The following CDC42SE2 variants were observed in gnomAD, a reference collection of about 807,000 sequenced individuals.
CDC42SE2 encodes CDC42 small effector 2, also known as CDC42 small effector protein 2.
A neutral mutation model predicts 11.5 loss-of-function variants in CDC42SE2; 3 were observed. That is an observed-to-expected ratio of 0.26 (90% confidence interval 0.12 to 0.67). The LOEUF (loss-of-function observed/expected upper bound fraction) is 0.67, where lower values mean the gene tolerates loss of function less well. Ranked by LOEUF, CDC42SE2 falls within the 30% of genes least tolerant of loss-of-function variation. The pLI, the probability that CDC42SE2 is intolerant of heterozygous loss-of-function variation, is 0.80. For missense variants in CDC42SE2, 82 were observed against 106.8 expected, an observed-to-expected ratio of 0.77 and a Z score of 1.02; for synonymous variants, 33 against 34.8, an observed-to-expected ratio of 0.95 and a Z score of 0.18.
In CDC42SE2 at chr5:131,386,333, G is replaced by T. The variant is rs115187309; in HGVS notation, c.156+689G>T. Among the ~76,000 whole-genome samples, 718 of 152,330 alleles carry T rather than the reference G, an allele frequency of 4.7e-3. 9 individuals carry two copies. The highest frequency in any genetic ancestry group is 0.016 in the African/African-American group (681 of 41,556). ...GCAGCTGCTCACCTCCTGTTGTGCA[G>T]CCCGGTTCCTAACAGGCCACTTCTG... On this transcript the variant is annotated intron_variant, in intron 4 of 4. Coordinates refer to ENST00000505065, the MANE Select transcript of CDC42SE2 (RefSeq NM_001375635.1).
At chr5:131,384,190 C>T (rs573285846) in intron 3 of CDC42SE2, among the ~76,000 whole-genome samples, 43 of 152,238 alleles carry the variant, frequency 2.8e-4, no homozygotes, top group African/African-American at 1.0e-3. Flanking sequence ...AAAGGAAAAG[C>T]GTCAGGGTTT....
intron 2 of CDC42SE2, among the ~76,000 whole-genome samples, chr5:131,349,618 C>G (rs1275963071): frequency 6.6e-6 from 1 of 152,124 alleles, no homozygotes; most frequent in Non-Finnish European, 1.5e-5. Flanking sequence ...CAAGGGTCAA[C>G]TGTATATGAG....
chr5:131,293,373 A>G (rs1213070317), intron 1 of CDC42SE2, among the ~76,000 whole-genome samples: 3 of 152,124 alleles, frequency 2.0e-5, no homozygotes, highest in Non-Finnish European at 4.4e-5. Flanking sequence ...GGAGTTCAGG[A>G]CTAGCCTGCC....
chr5:131,385,667 C>G (rs776377198), intron 4 of CDC42SE2, 23 bp downstream of exon 4: 1 of 1,464,196 alleles, frequency 6.8e-7, no homozygotes. Flanking sequence ...GTGGGACATG[C>G]AGGTAGGGCA....
At chr5:131,330,608 T>A (rs1758401160) in intron 2 of CDC42SE2, among the ~76,000 whole-genome samples, 1 of 152,134 alleles carries the variant, frequency 6.6e-6, no homozygotes, top group African/African-American at 2.4e-5. Flanking sequence ...TCTGGAGACA[T>A]TTTTGGTTGT....
chr5:131,289,024 A>AT (rs1020125437), intron 1 of CDC42SE2, among the ~76,000 whole-genome samples: 14 of 152,012 alleles, frequency 9.2e-5, no homozygotes, highest in African/African-American at 1.7e-4. Flanking sequence ...TATTCTATAC[A>AT]TTTTTTTTGT....
chr5:131,336,782 A>G (rs546510751), intron 2 of CDC42SE2, among the ~76,000 whole-genome samples: 80 of 152,268 alleles, frequency 5.3e-4, no homozygotes, highest in South Asian at 1.9e-3. Flanking sequence ...AGGCTTGTGC[A>G]TTCGTCACAT....
At chr5:131,372,162 G>A (rs1172982854) in intron 3 of CDC42SE2, among the ~76,000 whole-genome samples, 1 of 152,126 alleles carries the variant, frequency 6.6e-6, no homozygotes, top group Non-Finnish European at 1.5e-5. Context: ...TAAGATACTG[G>A]TGATAGTGTT....
chr5:131,372,020 T>G (rs1357268037), intron 3 of CDC42SE2, among the ~76,000 whole-genome samples: 1 of 152,236 alleles, frequency 6.6e-6, no homozygotes, highest in African/African-American at 2.4e-5. Flanking sequence ...TGTTTTGTTT[T>G]GGTTTTGGTT....
rs1393103657 is a variant in CDC42SE2, at chr5:131,350,928, G to A, written c.-285-8281G>A. ...TAATCAGCTTAGAAGTAGACTGAAT[G>A]TTACTCAATTATTTTATTTTATTTT... On this transcript the variant is annotated intron_variant, in intron 2 of 4. Transcript: ENST00000505065. Among the ~76,000 whole-genome samples, 8 of 151,928 alleles carry A rather than the reference G, an allele frequency of 5.3e-5. No homozygotes were observed. In the East Asian group the frequency reaches 1.5e-3, roughly 29 times the overall value.
chr5:131,338,167 C>T (rs1169404679), intron 2 of CDC42SE2, among the ~76,000 whole-genome samples: 1 of 152,204 alleles, frequency 6.6e-6, no homozygotes, highest in Non-Finnish European at 1.5e-5. Context: ...AAGTAATCAC[C>T]ACCAGTTTGT....
rs1464274963 is a variant in CDC42SE2, at chr5:131,324,015, AACAAAAT to A, written c.-286+7872_-286+7878del. 6.6e-5 allele frequency among the ~76,000 whole-genome samples: 10 copies of A among 152,208 alleles called. No individual in the cohort carries two copies. In the East Asian group the frequency reaches 7.7e-4, roughly 12 times the overall value. ...AATTTTAGGGGTGTGAGTGTTCTAC[AACAAAAT>A]TAATAGCTTATAAAGTATTTTACAT... On this transcript the variant is annotated intron_variant, in intron 2 of 4. Coordinates refer to ENST00000505065, the MANE Select transcript of CDC42SE2 (RefSeq NM_001375635.1).
chr5:131,322,141 C>T (rs187993439), intron 2 of CDC42SE2, among the ~76,000 whole-genome samples: 36 of 152,284 alleles, frequency 2.4e-4, no homozygotes, highest in Admixed American at 1.2e-3. Context: ...TGAGCCACCA[C>T]GCCTGGCAGA....
chr5:131,214,771 C>T, the CDC42SE2 span, among the ~76,000 whole-genome samples: 1 of 152,056 alleles, frequency 6.6e-6, no homozygotes. Context: ...CAGGCCTGCC[C>T]CAGGGAAGAG....
upstream of CDC42SE2, among the ~76,000 whole-genome samples, chr5:131,245,075 A>T (rs538468897): frequency 2.0e-4 from 31 of 152,328 alleles, no homozygotes; most frequent in South Asian, 6.4e-3. Flanking sequence ...TGGTGGGAAA[A>T]CCCAGAATGG....
At chr5:131,301,199 G>A (rs1419824190) in intron 1 of CDC42SE2, among the ~76,000 whole-genome samples, 1 of 152,170 alleles carries the variant, frequency 6.6e-6, no homozygotes, top group African/African-American at 2.4e-5. Context: ...GGGGGAAGAA[G>A]GAGAGAGGAG....
At chr5:131,239,456 A>T in the CDC42SE2 span, among the ~76,000 whole-genome samples, 1 of 151,758 alleles carries the variant, frequency 6.6e-6, no homozygotes, top group African/African-American at 2.4e-5. Flanking sequence ...AAAAAGAAAT[A>T]TTTTTCTATA....
chr5:131,300,291 G>C (rs2149715429), intron 1 of CDC42SE2, among the ~76,000 whole-genome samples: 1 of 152,200 alleles, frequency 6.6e-6, no homozygotes, highest in African/African-American at 2.4e-5. Flanking sequence ...AGGGGAGTGA[G>C]AACAAGTGAG....
chr5:131,304,678 A>C (rs1026773598), intron 1 of CDC42SE2, among the ~76,000 whole-genome samples: 1 of 152,182 alleles, frequency 6.6e-6, no homozygotes, highest in East Asian at 1.9e-4. Context: ...ATTATATTAT[A>C]CTAGGTTAGT....
Sources: allele counts gnomAD v4.1 joint callset (sites outside exome capture counted in the v4.1 genomes callset), GRCh38; gene constraint gnomAD v4.1.1; transcripts MANE v1.5; gene names NCBI Gene and HGNC (gene_info 2026-07-23, HGNC 2026-07-21).